INSL6: variants seen among roughly 807,000 people sequenced by gnomAD.
The protein encoded by INSL6 is insulin-like peptide INSL6.
In INSL6, 16 loss-of-function variants were observed where a neutral mutation model predicts 9.4. The observed-to-expected ratio is 1.70, with a 90% confidence interval of 1.15 to 2.59. The LOEUF (loss-of-function observed/expected upper bound fraction) is 2.59. Ranked by LOEUF, INSL6 falls within the 30% of genes most tolerant of loss-of-function variation. The pLI, the probability that INSL6 is intolerant of heterozygous loss-of-function variation, is 0.00. For synonymous variants in INSL6, 154 were observed against 96.9 expected, an observed-to-expected ratio of 1.59 and a Z score of -3.46; for missense variants, 391 against 257.3, an observed-to-expected ratio of 1.52 and a Z score of -3.56.
At chr9:5,148,297 G>C (rs943389824) in intron 2 of INSL6, among the ~76,000 whole-genome samples, 5 of 152,162 alleles carry the variant, frequency 3.3e-5, no homozygotes, top group Non-Finnish European at 5.9e-5. Context: ...GAGAATTAAT[G>C]ATTTTTGGTG....
At chr9:5,064,130 T>C in the INSL6 span, among the ~76,000 whole-genome samples, 1 of 152,050 alleles carries the variant, frequency 6.6e-6, no homozygotes, top group Non-Finnish European at 1.5e-5. Context: ...CACTCCAGCC[T>C]GGGCGACAGA....
chr9:5,040,817 G>A, the INSL6 span: 425 of 204,932 alleles, frequency 2.1e-3, 5 homozygotes, highest in Admixed American at 0.024. Context: ...GAGCTGGAGC[G>A]GGGCCCGAGT....
chr9:5,044,610 T>C, the INSL6 span: 2 of 774,682 alleles, frequency 2.6e-6, no homozygotes, highest in African/African-American at 1.8e-5. Context: ...ACTTTACATA[T>C]GGGAAAATTG....
chr9:5,061,053 A>G, the INSL6 span, among the ~76,000 whole-genome samples: 1 of 152,230 alleles, frequency 6.6e-6, no homozygotes, highest in Admixed American at 6.5e-5. Flanking sequence ...TTTTCTGAGC[A>G]GATCTTAACA....
chr9:5,111,747 G>A, the INSL6 span: 1 of 424,668 alleles, frequency 2.4e-6, no homozygotes, highest in Non-Finnish European at 4.6e-6. Context: ...CGGCTGCACG[G>A]AGGAGAAGTG....
At position 5,140,352 on chromosome 9, in the gene INSL6, C is replaced by T. The variant is rs141313243; in HGVS notation, c.377-6760G>A. 1.0e-3 allele frequency among the ~76,000 whole-genome samples: 158 copies of T among 152,220 alleles called. 1 individual carries two copies. Among genetic ancestry groups the T allele is most frequent in the African/African-American group, 3.6e-3 (148 of 41,534 alleles). On this transcript the variant is annotated intron_variant, in intron 2 of 3. Coordinates refer to the INSL6 transcript ENST00000649639. ...ACCTAATCATAATAATGACACCACA[C>T]TTATATTAGTCATCAGAGCTCCGAA...
rs777050553 is a variant in INSL6 at position 5,164,169 on chromosome 9, CTT to C, written c.384_385del (p.Glu130IlefsTer6). On this transcript the variant is annotated frameshift_variant, in exon 2 of 2. Coordinates refer to ENST00000381641, the MANE Select transcript of INSL6 (RefSeq NM_007179.3). LOFTEE classifies it low-confidence loss of function (END_TRUNC). ...GATATTATGTGATGAAGAAAATTCT[CTT>C]GTCTTACCAAGGGGTGAATATCCCT... The C allele has an allele frequency of 6.8e-6, 11 of 1,607,116 alleles. No individual in the cohort carries two copies. The highest frequency in any genetic ancestry group is 2.2e-5 in the East Asian group (1 of 44,776).
chr9:5,111,795 C>G, the INSL6 span: 1 of 422,268 alleles, frequency 2.4e-6, no homozygotes, highest in Admixed American at 2.7e-5. Flanking sequence ...TTCTCCTTGG[C>G]CCCCGGAGCC....
At chr9:5,125,203 T>C (rs1472431114) in intron 3 of INSL6, among the ~76,000 whole-genome samples, 2 of 151,178 alleles carry the variant, frequency 1.3e-5, no homozygotes, top group African/African-American at 2.4e-5. Context: ...TGTATAAAAG[T>C]ATATACAAAG....
At chr9:5,137,414 A>G (rs940770111) in intron 2 of INSL6, among the ~76,000 whole-genome samples, 1 of 152,192 alleles carries the variant, frequency 6.6e-6, no homozygotes, top group Non-Finnish European at 1.5e-5. Context: ...ATTGGTATCA[A>G]AACAGATGTA....
At chr9:5,117,198 T>A in the INSL6 span, among the ~76,000 whole-genome samples, 4 of 152,232 alleles carry the variant, frequency 2.6e-5, no homozygotes, top group African/African-American at 9.6e-5. Flanking sequence ...TCCAGAAGTA[T>A]GAGAAATAAA....
the INSL6 span, among the ~76,000 whole-genome samples, chr9:5,093,397 C>T: frequency 1.3e-5 from 2 of 152,190 alleles, no homozygotes; most frequent in Admixed American, 6.5e-5. Flanking sequence ...TCACTTGTTC[C>T]CTAAATAGGG....
the INSL6 span, among the ~76,000 whole-genome samples, chr9:5,117,880 TTA>T: frequency 3.2e-4 from 49 of 152,282 alleles, 1 homozygote; most frequent in East Asian, 2.9e-3. Context: ...TAATTAGATT[TTA>T]TGAGGATCTA....
chr9:5,061,721 G>A, the INSL6 span, among the ~76,000 whole-genome samples: 1 of 152,206 alleles, frequency 6.6e-6, no homozygotes, highest in Non-Finnish European at 1.5e-5. Flanking sequence ...AGCACTTTCA[G>A]TTTCCCTCAA....
At chr9:5,069,013 C>T in the INSL6 span, 56 of 1,522,050 alleles carry the variant, frequency 3.7e-5, no homozygotes, top group African/African-American at 6.8e-4. Context: ...TATAATTAAA[C>T]TTATACAGCG....
chr9:5,139,306 G>A (rs1275403967), intron 2 of INSL6, among the ~76,000 whole-genome samples: 1 of 152,046 alleles, frequency 6.6e-6, no homozygotes, highest in African/African-American at 2.4e-5. Context: ...TTTGTTCATA[G>A]TTGGATTACT....
At chr9:5,020,341 G>A in the INSL6 span, among the ~76,000 whole-genome samples, 1 of 152,190 alleles carries the variant, frequency 6.6e-6, no homozygotes, top group Non-Finnish European at 1.5e-5. Flanking sequence ...AAGGCCCCCA[G>A]ATAACATGCT....
At chr9:5,123,180 T>G, downstream of INSL6, 1 of 1,193,282 alleles carries the variant, frequency 8.4e-7, no homozygotes, top group Non-Finnish European at 1.2e-6. Flanking sequence ...TTTTATAAAT[T>G]TATGGGGTAC....
the INSL6 span, among the ~76,000 whole-genome samples, chr9:5,003,279 G>A: frequency 2.6e-5 from 4 of 152,060 alleles, no homozygotes; most frequent in Admixed American, 2.6e-4. Context: ...TTGGAAGTGG[G>A]TTGAATCTAT....
Sources: gnomAD v4.1 joint callset for allele counts (sites outside exome capture counted in the v4.1 genomes callset) on GRCh38, gnomAD v4.1.1 for gene constraint, MANE v1.5 for transcripts, NCBI Gene and HGNC (gene_info 2026-07-23, HGNC 2026-07-21) for gene names.